Variants in ZXDC observed in about 807,000 individuals in gnomAD.
ZXDC encodes zinc finger protein ZXDC.
Under a neutral mutation model 63.6 loss-of-function variants are expected in ZXDC, and 58 were observed. The ratio of observed to expected loss-of-function variants is 0.91; its 90% CI spans 0.74 to 1.13. The LOEUF (loss-of-function observed/expected upper bound fraction) is 1.13, where lower values mean the gene tolerates loss of function less well. Ranked by LOEUF, ZXDC falls within the 50% of genes most tolerant of loss-of-function variation. ZXDC has a pLI of 0.00. For synonymous variants in ZXDC, 561 were observed against 496.1 expected, an observed-to-expected ratio of 1.13 and a Z score of -1.74; for missense variants, 1,133 against 1,148.9, an observed-to-expected ratio of 0.99 and a Z score of 0.20.
At chr3:126,440,553 C>T (rs1168932159) in intron 8 of ZXDC, 37 of 985,610 alleles carry the variant, frequency 3.8e-5, no homozygotes, top group Non-Finnish European at 4.2e-5. Context: ...CTACCGTCTC[C>T]CTATTGCCAA....
chr3:126,453,338 A>T (rs1045037206), intron 7 of ZXDC: 1 of 985,242 alleles, frequency 1.0e-6, no homozygotes, highest in Non-Finnish European at 1.2e-6. Context: ...CCCCTTAAGG[A>T]TATGTTTTCT....
intron 6 of ZXDC, chr3:126,460,758 C>T (rs1385393499): frequency 2.0e-6 from 2 of 985,274 alleles, no homozygotes; most frequent in East Asian, 2.3e-4. Flanking sequence ...AAGGTGGCTC[C>T]ATGGAGCCTC....
chr3:126,475,489 GC>G lies in ZXDC; in HGVS notation c.376del (p.Ala126ArgfsTer134). ...CTGGCTGCTGATGGTGACGGCGCCC[GC>G]CGGGGCTACGCCAGGGCCGGGGGGG... The part of the protein sequence containing the change: ...AAPPGPGVAP[A>X]GAVTISSQDL... On this transcript the variant is annotated frameshift_variant, in exon 1 of 10. Transcript: ENST00000389709. LOFTEE classifies it high-confidence loss of function. 8.2e-7 allele frequency: 1 copy of G among 1,219,734 alleles called. No homozygotes were observed. Among genetic ancestry groups the G allele is most frequent in the Non-Finnish European group, 1.0e-6 (1 of 982,006 alleles). 75.6% of individuals were successfully genotyped at this position (1,219,734 alleles called of 1,614,324 possible). A position where few individuals can be genotyped will look rare whatever the true frequency, so the allele number is the denominator to read the frequency against.
chr3:126,468,201 G>C (rs571614882), intron 4 of ZXDC, among the ~76,000 whole-genome samples: 4 of 151,986 alleles, frequency 2.6e-5, no homozygotes, highest in East Asian at 3.9e-4. Flanking sequence ...CACAAGGCTC[G>C]GCAACACGAG....
At chr3:126,465,787 T>C (rs1229039355) in intron 5 of ZXDC, among the ~76,000 whole-genome samples, 2 of 151,966 alleles carry the variant, frequency 1.3e-5, no homozygotes, top group South Asian at 2.1e-4. Flanking sequence ...CCTGTCTCTA[T>C]AAAAAATGCA....
At position 126,474,956 on chromosome 3, in the gene ZXDC, T is replaced by A; in HGVS notation, c.907+3A>T. On this transcript the variant is annotated splice_donor_region_variant and intron_variant, in intron 1 of 9. Coordinates refer to ENST00000389709, the MANE Select transcript of ZXDC (RefSeq NM_025112.5). The stretch of plus-strand genomic sequence containing the variant: ...GCCCGCCCGCCCCCGAGAGCGCGGT[T>A]ACCGGGAAAGTCACACTTGTAAGGG... 1 of 1,564,384 alleles carries A rather than the reference T, an allele frequency of 6.4e-7. No homozygotes were observed. Among genetic ancestry groups the A allele is most frequent in the Non-Finnish European group, 8.7e-7 (1 of 1,153,308 alleles).
intron 4 of ZXDC, among the ~76,000 whole-genome samples, chr3:126,467,583 T>C (rs115188527): frequency 6.6e-6 from 1 of 152,326 alleles, no homozygotes; most frequent in African/African-American, 2.4e-5. Flanking sequence ...GTAAGGGCCT[T>C]GGATGCCTGT....
intron 7 of ZXDC, among the ~76,000 whole-genome samples, chr3:126,445,895 T>C (rs1933866684): frequency 6.6e-6 from 1 of 152,162 alleles, no homozygotes; most frequent in Non-Finnish European, 1.5e-5. Context: ...AATCATAAAC[T>C]TCCTGGGTTA....
At chr3:126,442,428 C>T (rs749818910) in intron 7 of ZXDC, 2 of 152,476 alleles carry the variant, frequency 1.3e-5, no homozygotes, top group Non-Finnish European at 2.9e-5. Context: ...CAAATATGTG[C>T]TTCTTAAGAA....
chr3:126,448,455 G>A (rs75741134), intron 7 of ZXDC, among the ~76,000 whole-genome samples: 206 of 152,254 alleles, frequency 1.4e-3, no homozygotes, highest in African/African-American at 4.7e-3. Flanking sequence ...AGCCTCGAGA[G>A]GCCACTGACA....
intron 7 of ZXDC, chr3:126,450,697 A>T (rs1250811918): frequency 2.8e-6 from 1 of 355,294 alleles, no homozygotes; most frequent in Non-Finnish European, 5.6e-6. Context: ...ACAGGAAGAA[A>T]GGGGAGAAAA....
At chr3:126,456,271 T>C (rs1934305189) in intron 7 of ZXDC, among the ~76,000 whole-genome samples, 1 of 152,246 alleles carries the variant, frequency 6.6e-6, no homozygotes, top group Non-Finnish European at 1.5e-5. Context: ...GGGAGATCTC[T>C]AGACCCTTGG....
At chr3:126,440,938 C>G in intron 8 of ZXDC, 2 of 985,732 alleles carry the variant, frequency 2.0e-6, no homozygotes, top group Non-Finnish European at 2.4e-6. Flanking sequence ...GAGCCAGCGT[C>G]ACCTCCACCC....
chr3:126,440,209 C>T, intron 8 of ZXDC: 1 of 998,550 alleles, frequency 1.0e-6, no homozygotes. Context: ...GGCTGCCAGG[C>T]CCCTCACAGT....
intron 4 of ZXDC, among the ~76,000 whole-genome samples, chr3:126,467,598 A>G (rs958052448): frequency 5.3e-5 from 8 of 152,208 alleles, no homozygotes; most frequent in Non-Finnish European, 1.2e-4. Flanking sequence ...GCCTGTGAAT[A>G]TAGTTTTCAA....
intron 1 of ZXDC, among the ~76,000 whole-genome samples, chr3:126,474,114 G>C (rs1485716527): frequency 1.3e-5 from 2 of 150,072 alleles, no homozygotes; most frequent in South Asian, 2.1e-4. Flanking sequence ...GCCCCGGCTG[G>C]AATGCAGTGG....
Position 126,472,019 on chromosome 3 carries a change from AGCTGTC to A in ZXDC, c.1087_1092del (p.Asp363_Ser364del), listed in dbSNP as rs771277217. ...GACATGCTGGTGAAGGTCCAGCCAC[AGCTGTC>A]AGAGTCACAAATAAATGGTCTTTCA... On this transcript the variant is annotated inframe_deletion, in exon 3 of 10. Coordinates refer to ENST00000389709, the MANE Select transcript of ZXDC (RefSeq NM_025112.5). 1.9e-6 allele frequency: 3 copies of A among 1,613,814 alleles called. No homozygotes were observed. Among genetic ancestry groups the A allele is most frequent in the Non-Finnish European group, 2.5e-6 (3 of 1,179,890 alleles).
chr3:126,444,803 T>C (rs1933819825), intron 7 of ZXDC, among the ~76,000 whole-genome samples: 1 of 152,224 alleles, frequency 6.6e-6, no homozygotes. Flanking sequence ...TGTGCTAGAA[T>C]GTATGTGCCA....
Position 126,441,916 on chromosome 3 carries a change from T to A in ZXDC, c.2243A>T (p.Lys748Ile). 1.2e-6 allele frequency: 2 copies of A among 1,611,228 alleles called. No homozygotes were observed. The highest frequency in any genetic ancestry group is 1.7e-6 in the Non-Finnish European group (2 of 1,178,886). Residue 748 changes from lysine (K) to isoleucine (I), a missense_variant, in exon 8 of 10, where the codon AAA becomes ATA. Transcript: ENST00000389709. ...GASQSTQRKI[K>I]EGKMSPPHFH... is the part of the protein sequence containing the mutation. ...ATGGGGAGGACTCATTTTGCCTTCT[T>A]TTATTTTTCTCTGAGTAGACTGTGA...
Sources: allele counts gnomAD v4.1 joint callset (sites outside exome capture counted in the v4.1 genomes callset), GRCh38; gene constraint gnomAD v4.1.1; transcripts MANE v1.5; gene names NCBI Gene and HGNC (gene_info 2026-07-23, HGNC 2026-07-21).